Variants in IL18RAP observed in about 807,000 individuals in gnomAD.
IL18RAP encodes the protein interleukin-18 receptor accessory protein.
IL18RAP carries 37 observed loss-of-function variants against 58.1 expected under a neutral mutation model. The observed-to-expected ratio is 0.64, with a 90% CI of 0.49 to 0.84. The LOEUF is 0.84. Among genes scored for constraint, IL18RAP ranks in the 40% least tolerant of loss-of-function variants. The pLI is 0.00. For missense variants in IL18RAP, 667 were observed against 704.8 expected (o/e 0.95, Z 0.61); for synonymous variants, 268 against 257.5 (o/e 1.04, Z -0.39).
upstream of IL18RAP, chr2:102,419,816 G>C (rs1681457933): frequency 6.6e-6 from 1 of 152,278 alleles, no homozygotes; most frequent in African/African-American, 2.4e-5. Context: ...TTATCATTGA[G>C]AATGGGCACT....
chr2:102,426,900 C>T (rs1681984696), intron 3 of IL18RAP, among the ~76,000 whole-genome samples: 1 of 152,094 alleles, frequency 6.6e-6, no homozygotes, highest in Non-Finnish European at 1.5e-5. Flanking sequence ...AGTATCTCCC[C>T]ATTCACCCTC....
At position 102,423,802 on chromosome 2, in the gene IL18RAP, G is replaced by A. The variant is rs1190715175; in HGVS notation, c.71-9G>A. 1.8e-5 allele frequency: 28 copies of A among 1,594,868 alleles called. No individual in the cohort carries two copies. The highest frequency in any genetic ancestry group is 2.2e-5 in the Non-Finnish European group (26 of 1,164,438). On this transcript the variant is annotated splice_polypyrimidine_tract_variant and intron_variant, in intron 1 of 9. Transcript: ENST00000687160. Reference sequence around the variant, plus strand: ...TGTTTCCATGTGCTTTGTTTATTATGATTTTCAGGTTGTTCCACAAAAAAA... The same window carrying A: ...TGTTTCCATGTGCTTTGTTTATTATAATTTTCAGGTTGTTCCACAAAAAAA...
At chr2:102,428,960 T>C (rs896020485) in intron 3 of IL18RAP, among the ~76,000 whole-genome samples, 2 of 152,006 alleles carry the variant, frequency 1.3e-5, no homozygotes, top group African/African-American at 4.8e-5. Flanking sequence ...GAGATCATCA[T>C]ACAGTTTTTA....
intron 4 of IL18RAP, 81 bp from the exon 5 acceptor site, chr2:102,441,229 AGT>A (rs1366710134): frequency 1.0e-6 from 1 of 976,728 alleles, no homozygotes; most frequent in Non-Finnish European, 1.6e-6. Flanking sequence ...TTTAGATCAA[AGT>A]GTGGCTGTGC....
upstream of IL18RAP, among the ~76,000 whole-genome samples, chr2:102,420,351 TC>T (rs1681496070): frequency 6.6e-6 from 1 of 152,184 alleles, no homozygotes; most frequent in African/African-American, 2.4e-5. Flanking sequence ...ATTTAATAAG[TC>T]CTCAGGAAGC....
intron 3 of IL18RAP, among the ~76,000 whole-genome samples, chr2:102,429,263 G>C (rs1682176437): frequency 6.6e-6 from 1 of 151,850 alleles, no homozygotes; most frequent in Non-Finnish European, 1.5e-5. Flanking sequence ...TTATTGGTCT[G>C]TTTAGATTTT....
intron 3 of IL18RAP, among the ~76,000 whole-genome samples, chr2:102,425,830 T>G (rs1681902951): frequency 6.6e-6 from 1 of 152,090 alleles, no homozygotes; most frequent in African/African-American, 2.4e-5. Flanking sequence ...AGTAGCCAGC[T>G]TTCTGCAAAT....
At chr2:102,441,469 CA>C in intron 5 of IL18RAP, 92 bp downstream of exon 5, 1 of 987,960 alleles carries the variant, frequency 1.0e-6, no homozygotes, top group Non-Finnish European at 1.6e-6. Context: ...GATTTCCAGT[CA>C]AACAGAATTG....
intron 3 of IL18RAP, among the ~76,000 whole-genome samples, chr2:102,427,222 A>G (rs988964467): frequency 2.0e-5 from 3 of 152,168 alleles, no homozygotes; most frequent in Admixed American, 6.6e-5. Context: ...ATAGGAGCGT[A>G]GTTAACCCTT....
chr2:102,429,146 G>A (rs141253538), intron 3 of IL18RAP, among the ~76,000 whole-genome samples: 1 of 151,944 alleles, frequency 6.6e-6, no homozygotes, highest in East Asian at 1.9e-4. Flanking sequence ...TTCAGATACT[G>A]GCCTACAATT....
intron 4 of IL18RAP, chr2:102,440,569 T>C (rs1042131012): frequency 6.6e-6 from 1 of 152,134 alleles, no homozygotes; most frequent in Non-Finnish European, 1.5e-5. Context: ...GTTTTCTCTT[T>C]TTTAGGATGA....
At chr2:102,445,115 T>G in intron 6 of IL18RAP, 74 bp from the exon 7 acceptor site, 1 of 1,379,226 alleles carries the variant, frequency 7.3e-7, no homozygotes, top group Non-Finnish European at 1.0e-6. Flanking sequence ...TGGCTGCTTA[T>G]ACGTGTTCCA....
At position 102,424,492 on chromosome 2, in the gene IL18RAP, C is replaced by T. The variant is rs1014935487; in HGVS notation, c.579+78C>T. ...TCTTCATGGGCTTTTCATGGAAAAG[C>T]GTGTTTGAGAATCTGAGGTATACAG... On this transcript the variant is annotated intron_variant, in intron 3 of 9. Transcript: ENST00000687160. 8.3e-6 allele frequency: 11 copies of T among 1,321,644 alleles called. No homozygotes were observed. In the East Asian group the frequency reaches 1.2e-4, roughly 14 times the overall value. The allele number at this position is 1,321,644 out of a possible 1,614,324, so 81.9% of individuals were successfully genotyped here.
chr2:102,446,681 G>C (rs1573301231), intron 7 of IL18RAP, among the ~76,000 whole-genome samples: 2 of 151,842 alleles, frequency 1.3e-5, no homozygotes, highest in African/African-American at 4.8e-5. Context: ...GGCGCCTGTA[G>C]TCCCAGTTAC....
chr2:102,448,318 G>T (rs191416139), intron 8 of IL18RAP, among the ~76,000 whole-genome samples: 4 of 152,268 alleles, frequency 2.6e-5, no homozygotes, highest in East Asian at 3.9e-4. Context: ...CTTTTAAGAC[G>T]GTGGGAATGC....
At chr2:102,429,222 A>G (rs957260895) in intron 3 of IL18RAP, among the ~76,000 whole-genome samples, 2 of 151,788 alleles carry the variant, frequency 1.3e-5, no homozygotes, top group African/African-American at 4.8e-5. Flanking sequence ...TTAGCTTGGA[A>G]GTTTTATTAC....
intron 3 of IL18RAP, among the ~76,000 whole-genome samples, chr2:102,425,816 T>C (rs1056469083): frequency 1.3e-5 from 2 of 152,086 alleles, no homozygotes; most frequent in Non-Finnish European, 2.9e-5. Context: ...ACAAGTTGCA[T>C]AATAGTAGCC....
intron 3 of IL18RAP, among the ~76,000 whole-genome samples, chr2:102,430,285 T>A (rs891668310): frequency 1.3e-5 from 2 of 152,056 alleles, no homozygotes; most frequent in Non-Finnish European, 2.9e-5. Flanking sequence ...TCTTAGTGAA[T>A]GGACTCTTTA....
At chr2:102,424,190 G>A in intron 2 of IL18RAP, 41 bp from the exon 3 acceptor site, 2 of 1,609,536 alleles carry the variant, frequency 1.2e-6, no homozygotes, top group Non-Finnish European at 1.7e-6. Flanking sequence ...CTATTATCTA[G>A]ACAAAATATC....
Sources: allele counts gnomAD v4.1 joint callset (sites outside exome capture counted in the v4.1 genomes callset), GRCh38; gene constraint gnomAD v4.1.1; transcripts MANE v1.5; gene names NCBI Gene and HGNC (gene_info 2026-07-23, HGNC 2026-07-21).